AOPEP: variants seen among roughly 807,000 people sequenced by gnomAD.
The protein encoded by AOPEP is aminopeptidase O.
In AOPEP, 77 loss-of-function variants were observed where a neutral mutation model predicts 98.1. The observed-to-expected ratio is 0.78, with a 90% CI of 0.65 to 0.95. The LOEUF (loss-of-function observed/expected upper bound fraction) is 0.95. Among genes scored for constraint, AOPEP ranks in the 40% least tolerant of loss-of-function variants. The pLI, the probability that AOPEP is intolerant of heterozygous loss-of-function variation, is 0.00. For synonymous variants in AOPEP, 346 were observed against 365.3 expected (o/e 0.95, Z 0.60); for missense variants, 1,024 against 1,024.7 (o/e 1.00, Z 0.01).
At chr9:94,789,623 G>C (rs188690858) in intron 3 of AOPEP, among the ~76,000 whole-genome samples, 1 of 152,282 alleles carries the variant, frequency 6.6e-6, no homozygotes, top group East Asian at 1.9e-4. Context: ...TTGGGTTCCA[G>C]GTAATGTAGG....
At chr9:95,127,237 G>T in the AOPEP span, 3 of 152,838 alleles carry the variant, frequency 2.0e-5, no homozygotes, top group African/African-American at 7.2e-5. Context: ...TGGGAGCTGG[G>T]GGGAGCTTCA....
chr9:94,790,628 G>T (rs748570705), intron 3 of AOPEP, among the ~76,000 whole-genome samples: 1 of 151,978 alleles, frequency 6.6e-6, no homozygotes, highest in African/African-American at 2.4e-5. Flanking sequence ...TCTCTTCATG[G>T]CTTCCAGACT....
intron 5 of AOPEP, among the ~76,000 whole-genome samples, chr9:94,828,234 CTT>C (rs1855083604): frequency 2.0e-5 from 3 of 152,306 alleles, no homozygotes; most frequent in Non-Finnish European, 4.4e-5. Flanking sequence ...AATTTATCTA[CTT>C]TGTTCTTTAG....
the AOPEP span, among the ~76,000 whole-genome samples, chr9:95,128,339 A>G: frequency 2.6e-5 from 4 of 152,374 alleles, no homozygotes; most frequent in African/African-American, 9.6e-5. Context: ...AAGAGTGTTT[A>G]AGATCAAATA....
rs2055074768 is a variant in AOPEP at position 94,930,235 on chromosome 9, G to A, written c.1661+1704G>A. On this transcript the variant is annotated intron_variant, in intron 7 of 16. Coordinates refer to ENST00000375315, the MANE Select transcript of AOPEP (RefSeq NM_001193329.3). This position sits in a 1 kb window ranked among gnomAD's most constrained non-coding sequence, Gnocchi z 4.5. ...TTGAAATGTGTTTTGGCTGTGGAAC[G>A]GGCAGGTCTTTGGTTGATTGAATGT... Among the ~76,000 whole-genome samples the A allele has an allele frequency of 6.6e-6, 1 of 152,154 alleles. No individual in the cohort carries two copies. Among genetic ancestry groups the A allele is most frequent in the Admixed American group, 6.5e-5 (1 of 15,280 alleles).
intron 13 of AOPEP, among the ~76,000 whole-genome samples, chr9:95,029,014 TG>T (rs1305601602): frequency 2.0e-5 from 3 of 152,220 alleles, no homozygotes; most frequent in Admixed American, 1.3e-4. Context: ...GGAACGCACA[TG>T]GGGCAGAGTT....
chr9:95,023,935 T>TTTATAG (rs1221638600), intron 13 of AOPEP, among the ~76,000 whole-genome samples: 2 of 152,212 alleles, frequency 1.3e-5, no homozygotes, highest in African/African-American at 4.8e-5. Flanking sequence ...AAAGAAGTTT[T>TTTATAG]TATAGGTAAG....
the AOPEP span, among the ~76,000 whole-genome samples, chr9:95,122,908 G>A: frequency 6.6e-6 from 1 of 152,274 alleles, no homozygotes; most frequent in South Asian, 2.1e-4. Context: ...TTCCAGCCGA[G>A]CCACCTCCAA....
intron 7 of AOPEP, among the ~76,000 whole-genome samples, chr9:94,937,917 G>A (rs1306961849): frequency 2.6e-5 from 4 of 152,108 alleles, no homozygotes; most frequent in African/African-American, 9.7e-5. Context: ...CTGTCACCCA[G>A]GCTGGAGTGC....
rs1476417284 is a variant in AOPEP at position 94,965,753 on chromosome 9, C to G, written c.1873-2005C>G. Among the ~76,000 whole-genome samples the G allele has an allele frequency of 2.0e-5, 3 of 151,994 alleles. No individual in the cohort carries two copies. In the East Asian group the frequency reaches 5.8e-4, roughly 29 times the overall value. On this transcript the variant is annotated intron_variant, in intron 9 of 16. Transcript: ENST00000375315. ...CTGCAGACTTGGTTCTATTGGGAGG[C>G]TTCGGTCTGCAGTTCACTGGGTGTC...
chr9:94,775,932 TC>T (rs1159083065), intron 3 of AOPEP, among the ~76,000 whole-genome samples: 1 of 151,884 alleles, frequency 6.6e-6, no homozygotes, highest in African/African-American at 2.4e-5. Context: ...TGAGCCGAGA[TC>T]ACGCCACTGC....
intron 13 of AOPEP, among the ~76,000 whole-genome samples, chr9:95,011,776 C>G (rs1701259521): frequency 6.6e-6 from 1 of 152,112 alleles, no homozygotes; most frequent in Non-Finnish European, 1.5e-5. Context: ...CCTGCCACTA[C>G]ACACCAGCCT....
At chr9:95,149,189 G>A in the AOPEP span, among the ~76,000 whole-genome samples, 2 of 151,374 alleles carry the variant, frequency 1.3e-5, no homozygotes, top group African/African-American at 4.9e-5. Flanking sequence ...TAAAAATTTA[G>A]TTTCAAATAT....
At chr9:94,871,898 T>C (rs990779759) in intron 5 of AOPEP, among the ~76,000 whole-genome samples, 15 of 152,084 alleles carry the variant, frequency 9.9e-5, no homozygotes, top group Non-Finnish European at 1.5e-5. Context: ...TCCCAGCTAC[T>C]CGGGAGGCTG....
intron 13 of AOPEP, among the ~76,000 whole-genome samples, chr9:95,029,298 G>A (rs879632069): frequency 2.0e-5 from 3 of 152,176 alleles, no homozygotes; most frequent in Admixed American, 1.3e-4. Flanking sequence ...TATGGGCATT[G>A]TGTAGATGCA....
At chr9:94,897,066 A>G (rs964570410) in intron 5 of AOPEP, among the ~76,000 whole-genome samples, 12 of 152,088 alleles carry the variant, frequency 7.9e-5, no homozygotes, top group Non-Finnish European at 1.5e-4. Context: ...ACATGTAAAT[A>G]TATATTTTTG....
downstream of AOPEP, among the ~76,000 whole-genome samples, chr9:95,088,111 A>T (rs2070810052): frequency 6.6e-6 from 1 of 152,176 alleles, no homozygotes; most frequent in Non-Finnish European, 1.5e-5. Context: ...AGGATGGCTC[A>T]GAACTTGACT....
chr9:95,144,704 G>A, the AOPEP span, among the ~76,000 whole-genome samples: 3 of 152,212 alleles, frequency 2.0e-5, no homozygotes, highest in Non-Finnish European at 2.9e-5. Flanking sequence ...ACAGTGAAAG[G>A]CAAGAGCATT....
At chr9:94,780,834 A>G (rs1420369705) in intron 3 of AOPEP, among the ~76,000 whole-genome samples, 1 of 152,236 alleles carries the variant, frequency 6.6e-6, no homozygotes, top group Admixed American at 6.5e-5. Flanking sequence ...TTTCCATCAC[A>G]GTGACACATA....
Sources: gnomAD v4.1 joint callset for allele counts (sites outside exome capture counted in the v4.1 genomes callset) on GRCh38, gnomAD v4.1.1 for gene constraint, Gnocchi (gnomAD v3.1) non-coding constraint, MANE v1.5 for transcripts, NCBI Gene and HGNC (gene_info 2026-07-23, HGNC 2026-07-21) for gene names.